Variants in PCDHGB2 observed in about 807,000 individuals in gnomAD.
PCDHGB2 encodes the protein protocadherin gamma subfamily B, 2.
PCDHGB2 carries 55 observed loss-of-function variants against 59.3 expected under a neutral mutation model. That is an observed-to-expected ratio of 0.93 (90% CI 0.75 to 1.16). PCDHGB2 has a LOEUF of 1.16. Among genes scored for constraint, PCDHGB2 ranks in the 50% most tolerant of loss-of-function variants. The pLI, the probability that PCDHGB2 is intolerant of heterozygous loss-of-function variation, is 0.00. For missense variants in PCDHGB2, 1,228 were observed against 1,198.5 expected (o/e 1.02, Z -0.36); for synonymous variants, 516 against 512.0 (o/e 1.01, Z -0.11).
chr5:141,371,033 A>G, intron 1 of PCDHGB2: 2 of 1,614,008 alleles, frequency 1.2e-6, no homozygotes, highest in Non-Finnish European at 1.7e-6. Context: ...TGGTCCTCAC[A>G]GCTGTGGATG....
chr5:141,507,097 A>G (rs1343795018), intron 3 of PCDHGB2: 1 of 152,082 alleles, frequency 6.6e-6, no homozygotes, highest in African/African-American at 2.4e-5. Flanking sequence ...TGCTCTTTCT[A>G]CTATAGGGAC....
chr5:141,364,882 C>T (rs199576947), intron 1 of PCDHGB2: 2 of 1,613,962 alleles, frequency 1.2e-6, no homozygotes, highest in African/African-American at 1.3e-5. Context: ...ATGTGGTAAG[C>T]GGAACTGATG....
At chr5:141,364,099 G>A in intron 1 of PCDHGB2, 1 of 407,086 alleles carries the variant, frequency 2.5e-6, no homozygotes, top group African/African-American at 2.1e-5. Context: ...ATTTGATGCA[G>A]TCACTGGTTA....
Position 141,360,046 on chromosome 5 carries a change from C to T in PCDHGB2, c.-90C>T. Reference sequence around the variant, plus strand: ...CCAGTATAGATTCGGAAACAGAAAACAAAAGCAGGAAAAGTGACCTTAGCC... The same window carrying T: ...CCAGTATAGATTCGGAAACAGAAAATAAAAGCAGGAAAAGTGACCTTAGCC... On this transcript the variant is annotated 5_prime_UTR_variant, in exon 1 of 4. Transcript: ENST00000522605. 1 of 1,430,464 alleles carries T rather than the reference C, an allele frequency of 7.0e-7. No homozygotes were observed. Among genetic ancestry groups the T allele is most frequent in the Non-Finnish European group, 9.2e-7 (1 of 1,082,666 alleles). 88.6% of individuals were successfully genotyped at this position (1,430,464 alleles called of 1,614,324 possible).
intron 1 of PCDHGB2, chr5:141,370,571 G>A (rs970814015): frequency 1.2e-6 from 2 of 1,613,816 alleles, no homozygotes; most frequent in African/African-American, 1.3e-5. Flanking sequence ...TTGGCGTGGG[G>A]GATTTACCTA....
chr5:141,460,142 G>A (rs932507660), intron 1 of PCDHGB2, among the ~76,000 whole-genome samples: 5 of 151,950 alleles, frequency 3.3e-5, no homozygotes, highest in African/African-American at 1.2e-4. Flanking sequence ...TATTCTTGAT[G>A]TGAGCTCTTT....
At chr5:141,384,585 C>G in intron 1 of PCDHGB2, 2 of 1,614,246 alleles carry the variant, frequency 1.2e-6, no homozygotes, top group South Asian at 1.1e-5. Context: ...CGCCCGAGAT[C>G]CTGTACCCGG....
chr5:141,394,863 C>T (rs758408774), intron 1 of PCDHGB2: 37 of 1,613,708 alleles, frequency 2.3e-5, no homozygotes, highest in Non-Finnish European at 2.9e-5. Context: ...TTCGGTCGAC[C>T]CGAACGATTC....
chr5:141,389,211 G>A, intron 1 of PCDHGB2: 2 of 1,614,058 alleles, frequency 1.2e-6, no homozygotes, highest in South Asian at 2.2e-5. Flanking sequence ...CATTGGTGAT[G>A]TAAATGACAA....
At chr5:141,460,909 G>A (rs1473458228) in intron 1 of PCDHGB2, among the ~76,000 whole-genome samples, 4 of 123,246 alleles carry the variant, frequency 3.2e-5, no homozygotes, top group Non-Finnish European at 6.6e-5. Context: ...AATATTCCAT[G>A]GTGTATATAT....
chr5:141,467,268 G>C lies in PCDHGB2; in HGVS notation c.2422-27539G>C, dbSNP rs1195615721. On this transcript the variant is annotated intron_variant, in intron 1 of 3. Transcript: ENST00000522605. The stretch of plus-strand genomic sequence containing the variant: ...GGGTTTCACCATGTTGGCCAGGCTG[G>C]TCTCGAACTCTTGACCTCAAGTGAT... Among the ~76,000 whole-genome samples, 3 of 152,030 alleles carry C rather than the reference G, an allele frequency of 2.0e-5. No homozygotes were observed. The South Asian group carries it at 6.2e-4, about 32-fold the overall frequency.
intron 1 of PCDHGB2, among the ~76,000 whole-genome samples, chr5:141,474,061 T>A (rs2099339173): frequency 1.3e-5 from 2 of 152,058 alleles, no homozygotes; most frequent in Admixed American, 6.6e-5. Flanking sequence ...CAGAGCGAGA[T>A]CCTGCCTCAG....
At position 141,422,164 on chromosome 5, in the gene PCDHGB2, T is replaced by C. The variant is rs2096630287; in HGVS notation, c.2421+59608T>C. 2 of 1,568,668 alleles carry C rather than the reference T, an allele frequency of 1.3e-6. No homozygotes were observed. Among genetic ancestry groups the C allele is most frequent in the Non-Finnish European group, 1.7e-6 (2 of 1,162,894 alleles). On this transcript the variant is annotated intron_variant, in intron 1 of 3. Coordinates refer to ENST00000522605, the MANE Select transcript of PCDHGB2 (RefSeq NM_018923.3). ...ACGGGGGTCTCTGGATTTTGAAAAA[T>C]ATAGATTCTATGAGATGGAAATTCA... is the stretch of plus-strand genomic sequence containing the variant.
Position 141,476,656 on chromosome 5 carries a change from T to G in PCDHGB2, c.2422-18151T>G, listed in dbSNP as rs190269177. On this transcript the variant is annotated intron_variant, in intron 1 of 3. Transcript: ENST00000522605. The surrounding 1 kb of genome is among the most constrained non-coding windows in gnomAD (Gnocchi z 7.6). ...ATGAGCTGAGCCGAAATGAATACTTTGCGCTTCGCGTGCAGACGCGGGAGG... is the reference window on the plus strand; with the variant it reads ...ATGAGCTGAGCCGAAATGAATACTTGGCGCTTCGCGTGCAGACGCGGGAGG... The G allele has an allele frequency of 1.2e-6, 2 of 1,614,210 alleles. No individual in the cohort carries two copies. The highest frequency in any genetic ancestry group is 1.7e-6 in the Non-Finnish European group (2 of 1,180,044).
chr5:141,433,361 ATCT>A, intron 1 of PCDHGB2: 2 of 297,578 alleles, frequency 6.7e-6, no homozygotes, highest in Non-Finnish European at 1.3e-5. Context: ...CTGTCTGCCT[ATCT>A]ATCTATCTAT....
At chr5:141,385,163 A>G in intron 1 of PCDHGB2, 1 of 1,614,182 alleles carries the variant, frequency 6.2e-7, no homozygotes, top group Admixed American at 1.7e-5. Flanking sequence ...ACCTATTCCC[A>G]TGAGGTCTCC....
chr5:141,468,180 C>T (rs1053758210), intron 1 of PCDHGB2, among the ~76,000 whole-genome samples: 4 of 151,744 alleles, frequency 2.6e-5, no homozygotes, highest in Non-Finnish European at 5.9e-5. Context: ...GAAAAATTTG[C>T]TGGGCATGGT....
intron 2 of PCDHGB2, among the ~76,000 whole-genome samples, chr5:141,502,725 G>A (rs1020846462): frequency 2.0e-5 from 3 of 152,150 alleles, no homozygotes; most frequent in Non-Finnish European, 4.4e-5. Context: ...ATTACAAAGC[G>A]GTGATGTTCT....
chr5:141,451,182 C>T (rs2154563496), intron 1 of PCDHGB2, among the ~76,000 whole-genome samples: 1 of 152,226 alleles, frequency 6.6e-6, no homozygotes, highest in Non-Finnish European at 1.5e-5. Flanking sequence ...TTAGCCATTG[C>T]TGTGTAACAA....
Sources: allele counts gnomAD v4.1 joint callset (sites outside exome capture counted in the v4.1 genomes callset), GRCh38; gene constraint gnomAD v4.1.1; non-coding constraint Gnocchi (gnomAD v3.1); transcripts MANE v1.5; gene names NCBI Gene and HGNC (gene_info 2026-07-23, HGNC 2026-07-21).